Variants in MYO6 observed in about 807,000 individuals in gnomAD.
MYO6 encodes the protein unconventional myosin-VI.
In MYO6, 74 loss-of-function variants were observed where a neutral mutation model predicts 178.7. That is an observed-to-expected ratio of 0.41 (90% CI 0.34 to 0.50). The LOEUF (loss-of-function observed/expected upper bound fraction) is 0.50. Ranked by LOEUF, MYO6 falls within the 20% of genes least tolerant of loss-of-function variation. MYO6 has a pLI of 0.09. For synonymous variants in MYO6, 477 were observed against 504.6 expected (o/e 0.95, Z 0.73); for missense variants, 1,330 against 1,547.4 (o/e 0.86, Z 2.36).
intron 19 of MYO6, among the ~76,000 whole-genome samples, chr6:75,871,284 C>T (rs188998729): frequency 6.6e-6 from 1 of 152,322 alleles, no homozygotes; most frequent in African/African-American, 2.4e-5. Flanking sequence ...GTCTCATTCT[C>T]TCTCGCCCAG....
intron 26 of MYO6, among the ~76,000 whole-genome samples, 194 bp downstream of exon 26, chr6:75,890,459 C>G (rs1778816569): frequency 6.6e-6 from 1 of 152,158 alleles, no homozygotes; most frequent in Non-Finnish European, 1.5e-5. Flanking sequence ...ATTTTCCTGC[C>G]TCAGCCTCCT....
At chr6:75,840,748 G>T in intron 8 of MYO6, 66 bp downstream of exon 8, 1 of 1,198,678 alleles carries the variant, frequency 8.3e-7, no homozygotes. Context: ...AGGGTCAGTT[G>T]GTGCTGTATT....
intron 9 of MYO6, among the ~76,000 whole-genome samples, chr6:75,841,616 C>T (rs908331922): frequency 2.5e-4 from 38 of 152,174 alleles, no homozygotes; most frequent in African/African-American, 8.9e-4. Context: ...ATCACCTGAG[C>T]CCAGGAGGTT....
chr6:75,819,850 T>G (rs1177483454), intron 2 of MYO6, among the ~76,000 whole-genome samples: 1 of 152,158 alleles, frequency 6.6e-6, no homozygotes, highest in African/African-American at 2.4e-5. Flanking sequence ...GCTCAGGAAT[T>G]TGAGACTAGC....
At chr6:75,768,840 CTGAG>C (rs1562130401) in intron 1 of MYO6, among the ~76,000 whole-genome samples, 2 of 152,098 alleles carry the variant, frequency 1.3e-5, no homozygotes, top group Admixed American at 6.6e-5. Flanking sequence ...ATGCCTGAGA[CTGAG>C]TAATTTATAA....
Position 75,835,967 on chromosome 6 carries a change from T to C in MYO6, c.553+11T>C, listed in dbSNP as rs12210963. 217,496 of 1,583,646 alleles carry C rather than the reference T, an allele frequency of 0.14. 15,861 individuals are homozygous for C. Among genetic ancestry groups the C allele is most frequent in the Non-Finnish European group, 0.15 (171,911 of 1,152,224 alleles). On this transcript the variant is annotated intron_variant, in intron 7 of 34. Transcript: ENST00000369977. Reference sequence around the variant, plus strand: ...ACAGAATTGTTGAAGGTATTGCTAATTTTTCAGTTGTTACGCGTGTACTGA... The same window carrying C: ...ACAGAATTGTTGAAGGTATTGCTAACTTTTCAGTTGTTACGCGTGTACTGA...
chr6:75,842,405 T>C (rs1043138568), intron 9 of MYO6, among the ~76,000 whole-genome samples: 5 of 152,220 alleles, frequency 3.3e-5, no homozygotes, highest in African/African-American at 1.2e-4. Context: ...CAGCTGATTC[T>C]GATAGTCTTT....
At chr6:75,869,311 T>A (rs1776950904) in intron 18 of MYO6, among the ~76,000 whole-genome samples, 1 of 152,134 alleles carries the variant, frequency 6.6e-6, no homozygotes, top group Admixed American at 6.5e-5. Flanking sequence ...TCTCAGTATA[T>A]GTGATGTATA....
chr6:75,779,056 CAAAAAAAAAA>C (rs142469441), intron 1 of MYO6, among the ~76,000 whole-genome samples: 2 of 64,530 alleles, frequency 3.1e-5, no homozygotes, highest in African/African-American at 5.5e-5. Context: ...GACTTTGTCT[CAAAAAAAAAA>C]AAAAAAAAAA....
At chr6:75,842,706 A>T (rs1263783556) in intron 9 of MYO6, among the ~76,000 whole-genome samples, 3 of 152,160 alleles carry the variant, frequency 2.0e-5, no homozygotes, top group Admixed American at 6.5e-5. Context: ...TATGGTTTTT[A>T]AAAAAGGAAT....
intron 1 of MYO6, among the ~76,000 whole-genome samples, chr6:75,769,899 C>G (rs538574819): frequency 6.7e-6 from 1 of 149,456 alleles, no homozygotes; most frequent in African/African-American, 2.5e-5. Context: ...GACTCTGTCT[C>G]AAAGGAAAAA....
intron 33 of MYO6, 150 bp from the exon 34 acceptor site, chr6:75,913,913 T>C: frequency 1.5e-6 from 1 of 663,986 alleles, no homozygotes; most frequent in Non-Finnish European, 2.5e-6. Flanking sequence ...TTTTATTAAT[T>C]TGTAGGCAAT....
intron 17 of MYO6, 135 bp from the exon 18 acceptor site, chr6:75,866,797 G>A: frequency 9.3e-7 from 1 of 1,073,650 alleles, no homozygotes; most frequent in Non-Finnish European, 1.4e-6. Context: ...TGTCCACACT[G>A]ACTAGTGGTG....
chr6:75,801,079 A>G (rs1424975555), intron 1 of MYO6, among the ~76,000 whole-genome samples: 2 of 152,212 alleles, frequency 1.3e-5, no homozygotes, highest in Non-Finnish European at 2.9e-5. Flanking sequence ...CCATATGGAT[A>G]ATGTTTAAAG....
intron 1 of MYO6, among the ~76,000 whole-genome samples, chr6:75,813,294 C>T (rs950961094): frequency 6.6e-6 from 1 of 152,184 alleles, no homozygotes; most frequent in East Asian, 1.9e-4. Flanking sequence ...CAAAGAGTCT[C>T]TCTGCATGGC....
At chr6:75,867,256 A>T (rs570243552) in intron 18 of MYO6, 151 bp downstream of exon 18, 2 of 649,892 alleles carry the variant, frequency 3.1e-6, no homozygotes, top group South Asian at 2.2e-5. Flanking sequence ...GTAAAATATC[A>T]TAATGTAGGC....
At position 75,906,586 on chromosome 6, in the gene MYO6, GAATT is replaced by G. The variant is rs1226386503; in HGVS notation, c.3177-1018_3177-1015del. ...AGCTATTTAGGAGGCTGAGGTGGGAGAATTGCTTGAGCCCGGGTGGTGGAGGTTG... is the reference window on the plus strand; with the variant it reads ...AGCTATTTAGGAGGCTGAGGTGGGAGGCTTGAGCCCGGGTGGTGGAGGTTG... On this transcript the variant is annotated intron_variant, in intron 30 of 34. Transcript: ENST00000369977. 6.6e-5 allele frequency among the ~76,000 whole-genome samples: 10 copies of G among 152,186 alleles called. No individual in the cohort carries two copies. The East Asian group carries it at 1.4e-3, about 21-fold the overall frequency.
chr6:75,766,172 A>G (rs527733437), intron 1 of MYO6, among the ~76,000 whole-genome samples: 1 of 151,552 alleles, frequency 6.6e-6, no homozygotes, highest in South Asian at 2.1e-4. Flanking sequence ...AGAATACAAA[A>G]GTTAGCTGGG....
intron 23 of MYO6, among the ~76,000 whole-genome samples, chr6:75,883,981 TAGC>T (rs1323845850): frequency 4.6e-5 from 7 of 152,316 alleles, no homozygotes; most frequent in African/African-American, 7.2e-5. Context: ...AGAAAAAAGA[TAGC>T]AGAATCTTTT....
Sources: gnomAD v4.1 joint callset for allele counts (sites outside exome capture counted in the v4.1 genomes callset) on GRCh38, gnomAD v4.1.1 for gene constraint, MANE v1.5 for transcripts, NCBI Gene and HGNC (gene_info 2026-07-23, HGNC 2026-07-21) for gene names.